TNIK: variants seen among roughly 807,000 people sequenced by gnomAD.
TNIK encodes TRAF2 and NCK-interacting protein kinase.
Under a neutral mutation model 191.3 loss-of-function variants are expected in TNIK, and 49 were observed. The observed-to-expected ratio is 0.26, with a 90% CI of 0.20 to 0.32. TNIK has a LOEUF of 0.32. Among genes scored for constraint, TNIK ranks in the 10% least tolerant of loss-of-function variants. The pLI is 1.00. For missense variants in TNIK, 1,155 were observed against 1,702.3 expected (o/e 0.68, Z 5.66); for synonymous variants, 594 against 600.9 (o/e 0.99, Z 0.17).
intron 2 of TNIK, among the ~76,000 whole-genome samples, chr3:171,313,515 C>T (rs1295723840): frequency 6.6e-6 from 1 of 152,076 alleles, no homozygotes; most frequent in Non-Finnish European, 1.5e-5. Flanking sequence ...TGTCATTAGA[C>T]AGTTGTTACA....
intron 1 of TNIK, among the ~76,000 whole-genome samples, chr3:171,439,181 A>G (rs1001781130): frequency 2.0e-5 from 3 of 151,904 alleles, no homozygotes; most frequent in East Asian, 3.9e-4. Flanking sequence ...TGTCTCTACT[A>G]AAAATTCAAA....
intron 1 of TNIK, among the ~76,000 whole-genome samples, chr3:171,442,530 G>A (rs887246828): frequency 2.0e-5 from 3 of 152,106 alleles, no homozygotes; most frequent in Non-Finnish European, 2.9e-5. Context: ...TCTGGGGCTC[G>A]GATCTCTGTA....
At chr3:171,248,170 G>C (rs1015027835) in intron 2 of TNIK, among the ~76,000 whole-genome samples, 2 of 152,178 alleles carry the variant, frequency 1.3e-5, no homozygotes, top group African/African-American at 4.8e-5. Context: ...TACCCAATAA[G>C]GGATACCTGT....
intron 1 of TNIK, among the ~76,000 whole-genome samples, chr3:171,431,005 C>G (rs1404776378): frequency 6.6e-6 from 1 of 152,072 alleles, no homozygotes. Context: ...TAACATTATG[C>G]TTTGAAGAAA....
At chr3:171,279,687 C>T (rs577442177) in intron 2 of TNIK, among the ~76,000 whole-genome samples, 100 of 152,130 alleles carry the variant, frequency 6.6e-4, no homozygotes, top group African/African-American at 2.3e-3. Context: ...ATAGCAATGA[C>T]GATGATGATG....
At chr3:171,161,513 T>C (rs190996719) in intron 10 of TNIK, among the ~76,000 whole-genome samples, 177 bp from the exon 11 acceptor site, 9 of 152,342 alleles carry the variant, frequency 5.9e-5, no homozygotes, top group African/African-American at 2.2e-4. Flanking sequence ...ATTAACCACA[T>C]TCAAGGCTGT....
In TNIK at chr3:171,066,145, C is replaced by T. The variant is rs542553198; in HGVS notation, c.3999+42G>A. The T allele has an allele frequency of 3.7e-6, 6 of 1,606,444 alleles. No individual in the cohort carries two copies. The East Asian group carries it at 1.3e-4, about 36-fold the overall frequency. ...AGGTTTCACAGGTACCTGGTGGTCTCTTAAAATGCAAACACTAATGCAAAT... is the reference window on the plus strand; with the variant it reads ...AGGTTTCACAGGTACCTGGTGGTCTTTTAAAATGCAAACACTAATGCAAAT... On this transcript the variant is annotated intron_variant, in intron 32 of 32. Transcript: ENST00000436636.
chr3:171,419,990 G>T (rs1002172663), intron 1 of TNIK, among the ~76,000 whole-genome samples: 9 of 152,174 alleles, frequency 5.9e-5, no homozygotes, highest in African/African-American at 2.2e-4. Context: ...TCGAGAAGAG[G>T]CATGTCACTA....
intron 23 of TNIK, among the ~76,000 whole-genome samples, chr3:171,088,237 C>CTTTTTTTTTTT (rs760417147): frequency 9.1e-5 from 13 of 142,908 alleles, no homozygotes; most frequent in African/African-American, 3.3e-4. Context: ...AAAGGTTTTT[C>CTTTTTTTTTTT]TTTTTTTTTT....
chr3:171,312,629 T>C (rs1487925141), intron 2 of TNIK, among the ~76,000 whole-genome samples: 2 of 152,142 alleles, frequency 1.3e-5, no homozygotes, highest in Non-Finnish European at 2.9e-5. Flanking sequence ...TGGGGTCTCT[T>C]TCCTGTTTCA....
intron 2 of TNIK, among the ~76,000 whole-genome samples, chr3:171,355,870 T>C (rs1282585400): frequency 6.6e-6 from 1 of 152,098 alleles, no homozygotes; most frequent in Non-Finnish European, 1.5e-5. Flanking sequence ...CATCCTCTAT[T>C]TCATTGTCTC....
intron 15 of TNIK, among the ~76,000 whole-genome samples, chr3:171,129,770 C>G (rs1389977627): frequency 6.6e-6 from 1 of 152,246 alleles, no homozygotes. Context: ...AACAGGTCAT[C>G]ATTACCTTTA....
chr3:171,189,366 AAT>A (rs944819669), intron 6 of TNIK, among the ~76,000 whole-genome samples: 2 of 152,116 alleles, frequency 1.3e-5, no homozygotes, highest in Non-Finnish European at 2.9e-5. Context: ...CTATATTGTG[AAT>A]ATGTTTTTAA....
intron 2 of TNIK, among the ~76,000 whole-genome samples, chr3:171,350,386 T>C (rs1712948400): frequency 6.8e-6 from 1 of 147,652 alleles, no homozygotes; most frequent in African/African-American, 2.4e-5. Context: ...TCTAGAGCTC[T>C]TTACAACTAA....
chr3:171,112,876 A>G (rs932503566), intron 18 of TNIK, among the ~76,000 whole-genome samples: 3 of 152,200 alleles, frequency 2.0e-5, no homozygotes, highest in African/African-American at 7.2e-5. Flanking sequence ...CATTGCTGTG[A>G]CACATAACAG....
chr3:171,076,448 G>A (rs1719946225), intron 28 of TNIK, among the ~76,000 whole-genome samples: 1 of 152,092 alleles, frequency 6.6e-6, no homozygotes, highest in African/African-American at 2.4e-5. Flanking sequence ...CACATGATTG[G>A]ACCCACTTGA....
intron 2 of TNIK, among the ~76,000 whole-genome samples, chr3:171,344,617 G>T (rs1350871632): frequency 2.6e-5 from 4 of 152,088 alleles, no homozygotes; most frequent in African/African-American, 9.7e-5. Context: ...AAAGTGACAG[G>T]CTAAGTTCTA....
intron 22 of TNIK, among the ~76,000 whole-genome samples, chr3:171,099,262 T>G (rs1443755005): frequency 6.6e-6 from 1 of 152,130 alleles, no homozygotes; most frequent in African/African-American, 2.4e-5. Flanking sequence ...TGGTCTGATT[T>G]CACTAGTCCA....
chr3:171,113,961 TGCTGGGAGGCA>T (rs976079904), intron 18 of TNIK, among the ~76,000 whole-genome samples: 1 of 143,964 alleles, frequency 6.9e-6, no homozygotes, highest in African/African-American at 2.6e-5. Flanking sequence ...TAAGCAGTGG[TGCTGGGAGGCA>T]GCTGCTGAGG....
Sources: allele counts gnomAD v4.1 joint callset (sites outside exome capture counted in the v4.1 genomes callset), GRCh38; gene constraint gnomAD v4.1.1; transcripts MANE v1.5; gene names NCBI Gene and HGNC (gene_info 2026-07-23, HGNC 2026-07-21).